Variants in DBX2 observed in about 807,000 individuals in gnomAD.
DBX2 encodes the protein developing brain homeobox 2.
Under a neutral mutation model 17.7 loss-of-function variants are expected in DBX2, and 16 were observed. That is an observed-to-expected ratio of 0.90 (90% CI 0.61 to 1.37). The LOEUF is 1.37. Ranked by LOEUF, DBX2 falls within the 40% of genes most tolerant of loss-of-function variation. The pLI is 0.00. For synonymous variants in DBX2, 255 were observed against 183.8 expected, an observed-to-expected ratio of 1.39 and a Z score of -3.13; for missense variants, 538 against 433.8, an observed-to-expected ratio of 1.24 and a Z score of -2.13.
intron 2 of DBX2, among the ~76,000 whole-genome samples, chr12:45,033,582 C>T (rs1026648815): frequency 6.6e-6 from 1 of 152,066 alleles, no homozygotes; most frequent in Admixed American, 6.6e-5. Context: ...TTATTGACAG[C>T]TTAATTCTAC....
At chr12:45,048,362 G>A (rs2137033958) in intron 1 of DBX2, among the ~76,000 whole-genome samples, 1 of 152,250 alleles carries the variant, frequency 6.6e-6, no homozygotes, top group Middle Eastern at 3.4e-3. Flanking sequence ...GATCAGAACT[G>A]GTTGTTGGAT....
chr12:45,021,601 C>A (rs950817323), intron 3 of DBX2, among the ~76,000 whole-genome samples: 1 of 152,208 alleles, frequency 6.6e-6, no homozygotes, highest in Non-Finnish European at 1.5e-5. Context: ...TTTCTCCCTT[C>A]TGACTACAGG....
intron 1 of DBX2, among the ~76,000 whole-genome samples, chr12:45,049,006 T>C (rs1303441039): frequency 6.6e-6 from 1 of 152,202 alleles, no homozygotes; most frequent in Non-Finnish European, 1.5e-5. Context: ...CTTTTAACCT[T>C]TAGTTGCAAT....
chr12:45,049,612 C>T (rs1946518073), intron 1 of DBX2, among the ~76,000 whole-genome samples: 1 of 146,564 alleles, frequency 6.8e-6, no homozygotes, highest in South Asian at 2.2e-4. Flanking sequence ...TCATTCTGGA[C>T]AAACCCATCG....
chr12:45,036,462 A>G (rs1004947856), intron 1 of DBX2, among the ~76,000 whole-genome samples: 2 of 152,180 alleles, frequency 1.3e-5, no homozygotes, highest in Non-Finnish European at 2.9e-5. Flanking sequence ...GGAAATGTCT[A>G]TGTCTGTATT....
intron 2 of DBX2, among the ~76,000 whole-genome samples, chr12:45,031,866 C>T (rs1395477195): frequency 6.6e-6 from 1 of 152,154 alleles, no homozygotes; most frequent in Non-Finnish European, 1.5e-5. Flanking sequence ...CATTCTCCCC[C>T]TCCCCTATTC....
intron 1 of DBX2, 32 bp from the exon 2 acceptor site, chr12:45,036,146 C>T (rs749763879): frequency 1.3e-6 from 2 of 1,555,376 alleles, no homozygotes; most frequent in Admixed American, 2.0e-5. Context: ...CATTGATTAG[C>T]CATTTCTTTA....
intron 2 of DBX2, among the ~76,000 whole-genome samples, chr12:45,033,708 G>A (rs1946421271): frequency 6.6e-6 from 1 of 152,036 alleles, no homozygotes; most frequent in Non-Finnish European, 1.5e-5. Flanking sequence ...TCACCTGTGG[G>A]ATCTCTAAAC....
chr12:45,022,674 G>A (rs1256989712), intron 3 of DBX2, among the ~76,000 whole-genome samples: 1 of 152,140 alleles, frequency 6.6e-6, no homozygotes, highest in Non-Finnish European at 1.5e-5. Context: ...AGTAGAGCAT[G>A]GTGGTTTGAA....
At chr12:45,034,127 C>CA (rs1225391512) in intron 2 of DBX2, among the ~76,000 whole-genome samples, 49 of 122,552 alleles carry the variant, frequency 4.0e-4, no homozygotes, top group African/African-American at 1.3e-3. Flanking sequence ...CACACCCACA[C>CA]CCACACACAC....
intron 2 of DBX2, among the ~76,000 whole-genome samples, chr12:45,028,856 G>T (rs1946394767): frequency 6.6e-6 from 1 of 152,138 alleles, no homozygotes; most frequent in African/African-American, 2.4e-5. Context: ...GTTTCTCTTA[G>T]CACTGGTCCC....
Position 45,051,048 on chromosome 12 carries a change from G to C in DBX2, c.-121C>G, listed in dbSNP as rs1946531694. ...GCCTCCCGCAGGGCTGGAGCGCGCG[G>C]AGCCAGGCAGGGAGGAAAGGCCACC... On this transcript the variant is annotated 5_prime_UTR_variant, in exon 1 of 4. Transcript: ENST00000332700. 3.3e-6 allele frequency: 4 copies of C among 1,223,966 alleles called. No individual in the cohort carries two copies. Among genetic ancestry groups the C allele is most frequent in the Admixed American group, 4.3e-5 (1 of 23,302 alleles). 75.8% of individuals were successfully genotyped at this position (1,223,966 alleles called of 1,614,324 possible).
In DBX2 at chr12:45,034,374, T is replaced by A. The variant is rs557841316; in HGVS notation, c.499+1645A>T. On this transcript the variant is annotated intron_variant, in intron 2 of 3. Coordinates refer to ENST00000332700, the MANE Select transcript of DBX2 (RefSeq NM_001004329.3). ...AGATATTTGGGTTTTAGGTCTCTAC[T>A]CCAGAAGTCTTTTCCTGATACTCTA... Among the ~76,000 whole-genome samples, 4 of 152,328 alleles carry A rather than the reference T, an allele frequency of 2.6e-5. No individual in the cohort carries two copies. In the East Asian group the frequency reaches 5.8e-4, roughly 22 times the overall value.
chr12:45,050,480 T>TC, intron 1 of DBX2, 45 bp downstream of exon 1: 1 of 1,541,238 alleles, frequency 6.5e-7, no homozygotes, highest in Non-Finnish European at 8.7e-7. Context: ...CCACCCGGCC[T>TC]GGGGGCGCGG....
At chr12:45,042,372 C>T (rs887747710) in intron 1 of DBX2, among the ~76,000 whole-genome samples, 3 of 152,106 alleles carry the variant, frequency 2.0e-5, no homozygotes, top group African/African-American at 7.2e-5. Context: ...ACATCTTAAT[C>T]AGGGCCTTGA....
chr12:45,020,686 T>TAC (rs1392924748), intron 3 of DBX2, among the ~76,000 whole-genome samples: 1 of 149,548 alleles, frequency 6.7e-6, no homozygotes, highest in Non-Finnish European at 1.5e-5. Context: ...TATATATATA[T>TAC]ATATACACAC....
At position 45,050,915 on chromosome 12, in the gene DBX2, C is replaced by T; in HGVS notation, c.13G>A (p.Ala5Thr). The T allele has an allele frequency of 6.7e-7, 1 of 1,497,498 alleles. No individual in the cohort carries two copies. Among genetic ancestry groups the T allele is most frequent in the Non-Finnish European group, 8.9e-7 (1 of 1,124,004 alleles). 92.8% of individuals were successfully genotyped at this position (1,497,498 alleles called of 1,614,324 possible). A position where few individuals can be genotyped will look rare whatever the true frequency, so the allele number is the denominator to read the frequency against. Reference sequence around the variant, plus strand: ...TACGCACCGGCGTGGGCTGCGACCGCGCTGGGGAGCATAGTGCGGCGCCAA... The same window carrying T: ...TACGCACCGGCGTGGGCTGCGACCGTGCTGGGGAGCATAGTGCGGCGCCAA... MLPS[A>T]VAAHAGAYWD... Residue 5 changes from alanine (A) to threonine (T), a missense_variant, in exon 1 of 4, where the codon GCG becomes ACG. Ala to Thr is a moderately conservative substitution (Grantham distance 58, BLOSUM62 0). Transcript: ENST00000332700.
At chr12:45,017,020 A>G (rs1043935462) in intron 3 of DBX2, among the ~76,000 whole-genome samples, 3 of 152,048 alleles carry the variant, frequency 2.0e-5, no homozygotes, top group African/African-American at 7.2e-5. Context: ...TCCTGAGCTC[A>G]AACAATCTGC....
intron 3 of DBX2, among the ~76,000 whole-genome samples, chr12:45,017,023 C>G (rs1329506462): frequency 6.6e-6 from 1 of 151,956 alleles, no homozygotes; most frequent in Non-Finnish European, 1.5e-5. Flanking sequence ...TGAGCTCAAA[C>G]AATCTGCCCG....
Sources: allele counts gnomAD v4.1 joint callset (sites outside exome capture counted in the v4.1 genomes callset), GRCh38; gene constraint gnomAD v4.1.1; transcripts MANE v1.5; gene names NCBI Gene and HGNC (gene_info 2026-07-23, HGNC 2026-07-21).